Variants in HDAC4 observed in about 807,000 individuals in gnomAD.
The protein encoded by HDAC4 is histone deacetylase 4, also known as histone deacetylase A.
A neutral mutation model predicts 135.1 loss-of-function variants in HDAC4; 16 were observed. The observed-to-expected ratio is 0.12, with a 90% CI of 0.08 to 0.18. HDAC4 has a LOEUF of 0.18. HDAC4 is among the 10% of genes least tolerant of loss of function. The pLI, the probability that HDAC4 is intolerant of heterozygous loss-of-function variation, is 1.00. For missense variants in HDAC4, 1,143 were observed against 1,511.8 expected (o/e 0.76, Z 4.05); for synonymous variants, 685 against 653.4 (o/e 1.05, Z -0.74).
chr2:239,141,030 C>G lies in HDAC4; in HGVS notation c.866-1234G>C. 8.7e-6 allele frequency: 3 copies of G among 343,594 alleles called. No homozygotes were observed. The highest frequency in any genetic ancestry group is 2.2e-5 in the South Asian group (1 of 45,156). 21.3% of individuals were successfully genotyped at this position (343,594 alleles called of 1,614,324 possible). A position where few individuals can be genotyped will look rare whatever the true frequency, so the allele number is the denominator to read the frequency against. On this transcript the variant is annotated intron_variant, in intron 8 of 26. Transcript: ENST00000543185. This position sits in a 1 kb window ranked among gnomAD's most constrained non-coding sequence, Gnocchi z 4.9. Reference sequence around the variant, plus strand: ...CAAACTTTGCCTTTATTAGCTCATCCATCTCTCAGTCACTGTTTGAGGAAG... The same window carrying G: ...CAAACTTTGCCTTTATTAGCTCATCGATCTCTCAGTCACTGTTTGAGGAAG...
At chr2:239,326,181 C>T (rs1217193655) in intron 2 of HDAC4, among the ~76,000 whole-genome samples, 1 of 152,024 alleles carries the variant, frequency 6.6e-6, no homozygotes, top group African/African-American at 2.4e-5. Flanking sequence ...GACTGCTCAT[C>T]CTTAAAAGTT....
chr2:239,069,785 G>T (rs2033971617), intron 22 of HDAC4, among the ~76,000 whole-genome samples: 1 of 150,996 alleles, frequency 6.6e-6, no homozygotes. Flanking sequence ...CACTGCACTT[G>T]CTTGGTGAGA....
chr2:239,081,952 A>G, intron 21 of HDAC4, 150 bp downstream of exon 21: 1 of 757,400 alleles, frequency 1.3e-6, no homozygotes, highest in South Asian at 1.6e-5. Flanking sequence ...ATGCAGGCTG[A>G]CGTCTGACTG....
intron 3 of HDAC4, among the ~76,000 whole-genome samples, chr2:239,206,469 G>A (rs1015060303): frequency 3.3e-5 from 5 of 151,898 alleles, no homozygotes; most frequent in African/African-American, 1.2e-4. Flanking sequence ...CATCTATAAA[G>A]TCTTACCAAA....
chr2:239,374,828 G>C (rs573743607), intron 1 of HDAC4, among the ~76,000 whole-genome samples: 1 of 152,206 alleles, frequency 6.6e-6, no homozygotes, highest in South Asian at 2.1e-4. Context: ...ACCTAAACCT[G>C]GACGAGAGCC....
intron 3 of HDAC4, among the ~76,000 whole-genome samples, chr2:239,236,343 C>T (rs2047884543): frequency 6.6e-6 from 1 of 152,064 alleles, no homozygotes; most frequent in African/African-American, 2.4e-5. Flanking sequence ...AGAACACATC[C>T]TTTAGCACCA....
intron 2 of HDAC4, among the ~76,000 whole-genome samples, chr2:239,341,888 G>C (rs1173917103): frequency 6.6e-6 from 1 of 152,106 alleles, no homozygotes; most frequent in East Asian, 1.9e-4. Flanking sequence ...GGGGCCTCTG[G>C]AGAGTGATTA....
intron 5 of HDAC4, among the ~76,000 whole-genome samples, chr2:239,172,007 G>A (rs772986279): frequency 4.1e-4 from 63 of 152,076 alleles, no homozygotes; most frequent in Non-Finnish European, 6.9e-4. Context: ...TGAAAGTTCA[G>A]ACATGCAGAA....
rs539845112 is a variant in HDAC4, at chr2:239,094,372, T to A, written c.2280+638A>T. On this transcript the variant is annotated intron_variant, in intron 17 of 26. Coordinates refer to ENST00000543185, the MANE Select transcript of HDAC4 (RefSeq NM_001378414.1). ...GGCAGATGCCCAGACTGGAAAGTCC[T>A]TGTGAACTTATGCGCCCAGGCCAGG... 11 of 985,324 alleles carry A rather than the reference T, an allele frequency of 1.1e-5. No homozygotes were observed. The African/African-American group carries it at 1.6e-4, about 14-fold the overall frequency. The allele number at this position is 985,324 out of a possible 1,614,324, so 61.0% of individuals were successfully genotyped here.
At chr2:239,340,871 G>T (rs1466705038) in intron 2 of HDAC4, among the ~76,000 whole-genome samples, 1 of 152,112 alleles carries the variant, frequency 6.6e-6, no homozygotes, top group African/African-American at 2.4e-5. Flanking sequence ...GGGCACTGAA[G>T]ATCTGGCCCC....
At chr2:239,060,807 G>A (rs1035892050) in intron 24 of HDAC4, among the ~76,000 whole-genome samples, 2 of 152,250 alleles carry the variant, frequency 1.3e-5, no homozygotes, top group African/African-American at 2.4e-5. Context: ...GGAGCAGCCC[G>A]CACCTGCCCC....
chr2:239,206,982 G>C (rs2046084216), intron 3 of HDAC4, among the ~76,000 whole-genome samples: 1 of 152,202 alleles, frequency 6.6e-6, no homozygotes, highest in Admixed American at 6.5e-5. Context: ...GATTCTGAAA[G>C]ACTGAGAGGC....
intron 22 of HDAC4, among the ~76,000 whole-genome samples, chr2:239,075,824 C>G (rs949889351): frequency 2.6e-5 from 4 of 151,908 alleles, no homozygotes; most frequent in African/African-American, 7.3e-5. Context: ...TGGGCTGGGA[C>G]AGCAGACAGG....
chr2:239,105,483 C>T (rs1053935597), intron 15 of HDAC4, among the ~76,000 whole-genome samples: 3 of 152,212 alleles, frequency 2.0e-5, no homozygotes, highest in Non-Finnish European at 4.4e-5. Flanking sequence ...AGGCAGGGAG[C>T]GAGACAGCTG....
intron 24 of HDAC4, among the ~76,000 whole-genome samples, chr2:239,062,539 A>G (rs2106528668): frequency 6.6e-6 from 1 of 152,362 alleles, no homozygotes; most frequent in Middle Eastern, 3.4e-3. Flanking sequence ...AGAAGCGCAA[A>G]CACGCATCAG....
intron 1 of HDAC4, among the ~76,000 whole-genome samples, chr2:239,384,007 CGA>C (rs1425217693): frequency 1.3e-5 from 2 of 152,208 alleles, no homozygotes; most frequent in Non-Finnish European, 2.9e-5. Context: ...ACGTGAGTAA[CGA>C]GGCGCAGTCC....
intron 2 of HDAC4, chr2:239,298,381 C>T: frequency 8.5e-7 from 1 of 1,183,250 alleles, no homozygotes. Context: ...TCCGGAATCG[C>T]CAGAGCTCTT....
intron 6 of HDAC4, among the ~76,000 whole-genome samples, chr2:239,159,411 C>T (rs1260671243): frequency 6.7e-6 from 1 of 148,500 alleles, no homozygotes. Flanking sequence ...CACACCCCCT[C>T]ACCTTACACA....
At chr2:239,259,356 A>T (rs1301604783) in intron 2 of HDAC4, among the ~76,000 whole-genome samples, 1 of 152,156 alleles carries the variant, frequency 6.6e-6, no homozygotes, top group Non-Finnish European at 1.5e-5. Flanking sequence ...GAGGTGGGGG[A>T]CTGCTTGAGC....
Sources: allele counts gnomAD v4.1 joint callset (sites outside exome capture counted in the v4.1 genomes callset), GRCh38; gene constraint gnomAD v4.1.1; non-coding constraint Gnocchi (gnomAD v3.1); transcripts MANE v1.5; gene names NCBI Gene and HGNC (gene_info 2026-07-23, HGNC 2026-07-21).